Variants in DOCK10 observed in about 807,000 individuals in gnomAD.
DOCK10 encodes dedicator of cytokinesis 10.
Under a neutral mutation model 280.1 loss-of-function variants are expected in DOCK10, and 145 were observed. That is an observed-to-expected ratio of 0.52 (90% confidence interval 0.45 to 0.59). The LOEUF is 0.59. Among genes scored for constraint, DOCK10 ranks in the 20% least tolerant of loss-of-function variants. The pLI is 0.00. For missense variants in DOCK10, 2,368 were observed against 2,651.7 expected (o/e 0.89, Z 2.35); for synonymous variants, 915 against 942.2 (o/e 0.97, Z 0.53).
chr2:225,007,730 T>C (rs1332687044), intron 1 of DOCK10, among the ~76,000 whole-genome samples: 1 of 152,074 alleles, frequency 6.6e-6, no homozygotes, highest in Admixed American at 6.5e-5. Context: ...TTAGGAAGGA[T>C]ACAGACAAGC....
chr2:225,019,320 C>T (rs534667964), intron 1 of DOCK10, among the ~76,000 whole-genome samples: 1 of 152,240 alleles, frequency 6.6e-6, no homozygotes, highest in South Asian at 2.1e-4. Flanking sequence ...AAATACCACA[C>T]TCCCCAACTA....
intron 1 of DOCK10, among the ~76,000 whole-genome samples, chr2:225,014,093 T>TG (rs1394482788): frequency 0.046 from 4,628 of 101,106 alleles, 296 homozygotes; most frequent in African/African-American, 0.21. Context: ...TGTTTTTTTT[T>TG]TTTTGTTTTT....
intron 1 of DOCK10, among the ~76,000 whole-genome samples, chr2:224,957,171 C>T (rs930365475): frequency 6.6e-6 from 1 of 152,120 alleles, no homozygotes; most frequent in Non-Finnish European, 1.5e-5. Flanking sequence ...TCTGCTGTGC[C>T]CATCTGTGAC....
intron 29 of DOCK10, 60 bp downstream of exon 29, chr2:224,819,386 A>G: frequency 8.7e-7 from 1 of 1,143,798 alleles, no homozygotes; most frequent in Non-Finnish European, 1.3e-6. Flanking sequence ...CACAGAGACT[A>G]CTTTATTTAT....
At chr2:224,795,268 C>A in intron 44 of DOCK10, 174 bp from the exon 45 acceptor site, 1 of 613,510 alleles carries the variant, frequency 1.6e-6, no homozygotes, top group Non-Finnish European at 2.8e-6. Flanking sequence ...TGGATACACA[C>A]ATTTGAAGAT....
chr2:224,803,926 T>C (rs1003809772), intron 39 of DOCK10, among the ~76,000 whole-genome samples, 186 bp downstream of exon 39: 1 of 152,082 alleles, frequency 6.6e-6, no homozygotes, highest in Admixed American at 6.6e-5. Context: ...GACAGTAAAG[T>C]ATCTAAGAAG....
intron 4 of DOCK10, among the ~76,000 whole-genome samples, chr2:224,888,631 G>A (rs952402703): frequency 6.6e-6 from 1 of 151,774 alleles, no homozygotes; most frequent in African/African-American, 2.4e-5. Flanking sequence ...GAATATATGT[G>A]TGTATATATT....
intron 24 of DOCK10, among the ~76,000 whole-genome samples, chr2:224,839,536 C>A (rs181434051): frequency 1.4e-4 from 21 of 152,260 alleles, no homozygotes; most frequent in Admixed American, 1.1e-3. Flanking sequence ...AAGGAGTGAA[C>A]TACTGATAGA....
At chr2:224,992,026 T>G (rs1246829452) in intron 1 of DOCK10, among the ~76,000 whole-genome samples, 1 of 152,154 alleles carries the variant, frequency 6.6e-6, no homozygotes, top group Admixed American at 6.6e-5. Context: ...CAAGTGGCCT[T>G]GGGTTCAGGA....
chr2:224,967,166 A>G lies in DOCK10; in HGVS notation c.124-35498T>C, dbSNP rs7598933. Among the ~76,000 whole-genome samples the G allele has an allele frequency of 2.1e-3, 300 of 145,766 alleles. 1 individual carries two copies. Among genetic ancestry groups the G allele is most frequent in the African/African-American group, 5.0e-3 (197 of 39,156 alleles). ...GAGATCTCGGCTCACTGCAAGCTCC[A>G]CCTCCCGGGTTCACGCCATTCTTCT... On this transcript the variant is annotated intron_variant, in intron 1 of 55. Transcript: ENST00000258390.
rs1225275073 is a variant in DOCK10, at chr2:224,908,601, A to T, written c.333+8094T>A. ...AGTCTCAAATTCCTGAGCTCAAGCC[A>T]TCCTCCTGCATCGGCCTCCTGAGTA... On this transcript the variant is annotated intron_variant, in intron 3 of 55. Transcript: ENST00000258390. Among the ~76,000 whole-genome samples, 2 of 152,190 alleles carry T rather than the reference A, an allele frequency of 1.3e-5. 1 individual carries two copies. Among genetic ancestry groups the T allele is most frequent in the African/African-American group, 4.8e-5 (2 of 41,446 alleles).
At chr2:225,004,961 T>C (rs898345211) in intron 1 of DOCK10, among the ~76,000 whole-genome samples, 23 of 152,330 alleles carry the variant, frequency 1.5e-4, no homozygotes, top group African/African-American at 5.5e-4. Context: ...TGCTGGGCAA[T>C]AATACAATGG....
chr2:224,898,231 G>C (rs1412432765), intron 3 of DOCK10, among the ~76,000 whole-genome samples: 1 of 152,144 alleles, frequency 6.6e-6, no homozygotes, highest in Non-Finnish European at 1.5e-5. Flanking sequence ...CGAGGGGACG[G>C]GGCTGTTCTG....
rs1323421226 is a variant in DOCK10, at chr2:224,925,465, G to A, written c.243+6084C>T. Among the ~76,000 whole-genome samples the A allele has an allele frequency of 3.9e-5, 6 of 152,192 alleles. 1 individual carries two copies. Among genetic ancestry groups the A allele is most frequent in the Admixed American group, 3.9e-4 (6 of 15,284 alleles). ...CTAATATGAAGATGGAATTTGAGAA[G>A]ATAATGAGACTCTTAGGTGACTGTA... On this transcript the variant is annotated intron_variant, in intron 2 of 55. Coordinates refer to ENST00000258390, the MANE Select transcript of DOCK10 (RefSeq NM_014689.3).
At chr2:225,025,147 C>T (rs77313331) in intron 1 of DOCK10, among the ~76,000 whole-genome samples, 2,241 of 152,244 alleles carry the variant, frequency 0.015, 22 homozygotes, top group Non-Finnish European at 0.022. Flanking sequence ...GCTCTCTGGG[C>T]TTTGGTGGAG....
intron 7 of DOCK10, among the ~76,000 whole-genome samples, chr2:224,879,664 A>G (rs1698861004): frequency 6.6e-6 from 1 of 152,176 alleles, no homozygotes; most frequent in Admixed American, 6.5e-5. Context: ...AGGCTGAGGC[A>G]GGAAAGTTAC....
chr2:225,028,991 C>T (rs1215694757), intron 1 of DOCK10, among the ~76,000 whole-genome samples: 3 of 152,066 alleles, frequency 2.0e-5, no homozygotes, highest in African/African-American at 7.2e-5. Context: ...ACTGGACAGC[C>T]CCATGGAAAT....
At chr2:224,871,995 G>A (rs1307822889) in intron 11 of DOCK10, among the ~76,000 whole-genome samples, 1 of 152,138 alleles carries the variant, frequency 6.6e-6, no homozygotes, top group Non-Finnish European at 1.5e-5. Context: ...CTTAGGACAA[G>A]TTTGGCTCAC....
intron 1 of DOCK10, among the ~76,000 whole-genome samples, chr2:224,972,649 G>T (rs796225668): frequency 3.3e-5 from 5 of 152,270 alleles, no homozygotes; most frequent in African/African-American, 1.2e-4. Context: ...AACTTAAAAT[G>T]CATTCTCTCT....
Sources: allele counts gnomAD v4.1 joint callset (sites outside exome capture counted in the v4.1 genomes callset), GRCh38; gene constraint gnomAD v4.1.1; transcripts MANE v1.5; gene names NCBI Gene and HGNC (gene_info 2026-07-23, HGNC 2026-07-21).